Variants in SLC35F4 observed in about 807,000 individuals in gnomAD.
SLC35F4 encodes the protein solute carrier family 35 member F4.
In SLC35F4, 24 loss-of-function variants were observed where a neutral mutation model predicts 44.2. That is an observed-to-expected ratio of 0.54 (90% CI 0.39 to 0.76). SLC35F4 has a LOEUF of 0.76. Among genes scored for constraint, SLC35F4 ranks in the 30% least tolerant of loss-of-function variants. The probability of loss-of-function intolerance (pLI) is 0.00; values close to 1 mark genes in which losing one functional copy is unlikely to be tolerated. For synonymous variants in SLC35F4, 238 were observed against 223.6 expected, an observed-to-expected ratio of 1.06 and a Z score of -0.57; for missense variants, 562 against 586.1, an observed-to-expected ratio of 0.96 and a Z score of 0.42.
At chr14:57,793,033 A>C (rs912333478) in intron 1 of SLC35F4, among the ~76,000 whole-genome samples, 1 of 152,132 alleles carries the variant, frequency 6.6e-6, no homozygotes. Context: ...GTGTAACTTA[A>C]AAAACAAAAC....
At chr14:57,567,564 C>G (rs1300372545) in intron 6 of SLC35F4, among the ~76,000 whole-genome samples, 1 of 152,228 alleles carries the variant, frequency 6.6e-6, no homozygotes, top group Non-Finnish European at 1.5e-5. Context: ...TTTTACAAGA[C>G]TTGGGCTCCT....
At chr14:57,925,515 GA>G (rs1697738377) in intron 1 of SLC35F4, among the ~76,000 whole-genome samples, 2 of 63,604 alleles carry the variant, frequency 3.1e-5, no homozygotes, top group African/African-American at 6.5e-5. Flanking sequence ...GGGAGGGAGG[GA>G]GGGAGGGAGG....
chr14:57,867,607 C>CCG (rs2141024962), upstream of SLC35F4, among the ~76,000 whole-genome samples: 1 of 151,536 alleles, frequency 6.6e-6, no homozygotes, highest in African/African-American at 2.4e-5. Flanking sequence ...TTTACACCCC[C>CCG]CCCCACGTGA....
At chr14:57,751,464 A>C (rs931916199) in intron 1 of SLC35F4, among the ~76,000 whole-genome samples, 2 of 152,130 alleles carry the variant, frequency 1.3e-5, no homozygotes, top group African/African-American at 4.8e-5. Flanking sequence ...GTTATCCACA[A>C]ATGTTCTACT....
Position 57,581,216 on chromosome 14 carries a change from T to G in SLC35F4, c.805A>C (p.Arg269=), listed in dbSNP as rs773552249. Residue 269 remains arginine, a splice_region_variant and synonymous_variant, in exon 4 of 8, where the codon AGG becomes CGG. Coordinates refer to ENST00000556826, the MANE Select transcript of SLC35F4 (RefSeq NM_001306087.2). ...IVLKDRFMGV[R]IVAAIMAITG... ...CATTGAATCAAGTATGCCATTACCC[T>G]CACTCCCATGAACCTGTCTTTCAGC... 21 of 1,555,706 alleles carry G rather than the reference T, an allele frequency of 1.3e-5. No homozygotes were observed. In the East Asian group the frequency reaches 4.3e-4, roughly 32 times the overall value.
At chr14:57,669,726 G>T (rs1452664480) in intron 1 of SLC35F4, among the ~76,000 whole-genome samples, 1 of 151,962 alleles carries the variant, frequency 6.6e-6, no homozygotes, top group Non-Finnish European at 1.5e-5. Context: ...TGCTGGATTC[G>T]GTTTGTCAGT....
At chr14:57,678,137 C>G (rs1292181881) in intron 1 of SLC35F4, among the ~76,000 whole-genome samples, 1 of 152,000 alleles carries the variant, frequency 6.6e-6, no homozygotes, top group Admixed American at 6.6e-5. Context: ...GGTTGGGGTA[C>G]CCACAAAGGG....
At chr14:57,772,677 T>C (rs2077397007) in intron 1 of SLC35F4, among the ~76,000 whole-genome samples, 2 of 152,218 alleles carry the variant, frequency 1.3e-5, no homozygotes, top group Admixed American at 6.5e-5. Context: ...GTTCCATCCA[T>C]GATGCTGCAA....
intron 1 of SLC35F4, among the ~76,000 whole-genome samples, chr14:57,928,603 A>G (rs1409635049): frequency 6.6e-6 from 1 of 152,242 alleles, no homozygotes; most frequent in Non-Finnish European, 1.5e-5. Context: ...TAGTTAAAAC[A>G]GAAAGGTTTC....
chr14:57,794,262 A>T lies in SLC35F4; in HGVS notation c.103+71461T>A, dbSNP rs1474222633. On this transcript the variant is annotated intron_variant, in intron 1 of 7. Transcript: ENST00000556826. ...AAATATTCAACAGAGTAAACACACA[A>T]CCTACAGAATGGGAGAAAATATCTG... 2.0e-5 allele frequency among the ~76,000 whole-genome samples: 3 copies of T among 152,192 alleles called. No homozygotes were observed. The East Asian group carries it at 5.8e-4, about 29-fold the overall frequency.
chr14:57,680,129 A>G (rs2074844649), intron 1 of SLC35F4, among the ~76,000 whole-genome samples: 1 of 152,132 alleles, frequency 6.6e-6, no homozygotes, highest in African/African-American at 2.4e-5. Context: ...TCTTAATAAA[A>G]TACTGGCAAA....
intron 4 of SLC35F4, among the ~76,000 whole-genome samples, chr14:57,578,325 G>GTTTTATTTTTTTTTTTTT (rs2068957966): frequency 2.3e-5 from 1 of 43,116 alleles, no homozygotes; most frequent in Non-Finnish European, 4.6e-5. Context: ...CCCTTTAACT[G>GTTTTATTTTTTTTTTTTT]TTTTTTTTTT....
In SLC35F4 at chr14:57,563,997, A is replaced by G; in HGVS notation, c.*138T>C. ...TTCCTTGATAAGCATATAAATGTAA[A>G]CTTTTATTGTTGGCATTATTTCACA... On this transcript the variant is annotated 3_prime_UTR_variant, in exon 8 of 8. Transcript: ENST00000556826. 1.1e-6 allele frequency: 1 copy of G among 928,780 alleles called. No homozygotes were observed. Among genetic ancestry groups the G allele is most frequent in the Non-Finnish European group, 1.6e-6 (1 of 639,912 alleles). The allele number at this position is 928,780 out of a possible 1,614,324, so 57.5% of individuals were successfully genotyped here.
intron 1 of SLC35F4, among the ~76,000 whole-genome samples, chr14:57,846,907 C>T (rs1461385064): frequency 1.3e-5 from 2 of 152,150 alleles, no homozygotes; most frequent in Non-Finnish European, 2.9e-5. Flanking sequence ...TATATGGATA[C>T]CCAGCTTGTT....
At chr14:57,596,814 T>C (rs2070520422) in intron 1 of SLC35F4, 1 of 1,367,518 alleles carries the variant, frequency 7.3e-7, no homozygotes, top group Non-Finnish European at 9.8e-7. Flanking sequence ...GTTCCTTATG[T>C]GATATACCGC....
At chr14:57,847,154 G>A (rs774022588) in intron 1 of SLC35F4, among the ~76,000 whole-genome samples, 14 of 152,218 alleles carry the variant, frequency 9.2e-5, no homozygotes, top group Non-Finnish European at 1.6e-4. Context: ...AACTGGCTAG[G>A]TAAAGAACCA....
At chr14:57,780,626 C>A (rs2077594468) in intron 1 of SLC35F4, among the ~76,000 whole-genome samples, 1 of 151,958 alleles carries the variant, frequency 6.6e-6, no homozygotes. Flanking sequence ...ACTCAAATAG[C>A]CAAGGCAAAA....
intron 1 of SLC35F4, among the ~76,000 whole-genome samples, chr14:57,690,709 C>G (rs550018779): frequency 1.3e-5 from 2 of 152,040 alleles, no homozygotes; most frequent in Admixed American, 6.6e-5. Context: ...ATGGTCCCAT[C>G]TGGGGGTAAT....
chr14:57,786,892 C>G (rs930912444), intron 1 of SLC35F4, among the ~76,000 whole-genome samples: 3 of 152,110 alleles, frequency 2.0e-5, no homozygotes, highest in African/African-American at 7.2e-5. Flanking sequence ...AGTTCAGCAG[C>G]AATGGACCCA....
Sources: allele counts gnomAD v4.1 joint callset (sites outside exome capture counted in the v4.1 genomes callset), GRCh38; gene constraint gnomAD v4.1.1; transcripts MANE v1.5; gene names NCBI Gene and HGNC (gene_info 2026-07-23, HGNC 2026-07-21).